The following RFTN2 variants were observed in gnomAD, a reference collection of about 807,000 sequenced individuals.
RFTN2 encodes the protein raftlin family member 2, also known as raftlin-2.
RFTN2 carries 34 observed loss-of-function variants against 52.7 expected under a neutral mutation model. That is an observed-to-expected ratio of 0.64 (90% confidence interval 0.49 to 0.86). The LOEUF (loss-of-function observed/expected upper bound fraction) is 0.86, where lower values mean the gene tolerates loss of function less well. Ranked by LOEUF, RFTN2 falls within the 40% of genes least tolerant of loss-of-function variation. The probability of loss-of-function intolerance (pLI) is 0.00; values close to 1 mark genes in which losing one functional copy is unlikely to be tolerated. For synonymous variants in RFTN2, 203 were observed against 217.7 expected, an observed-to-expected ratio of 0.93 and a Z score of 0.59; for missense variants, 536 against 600.1, an observed-to-expected ratio of 0.89 and a Z score of 1.12.
chr2:197,646,383 A>G, intron 2 of RFTN2, 100 bp downstream of exon 2: 1 of 887,380 alleles, frequency 1.1e-6, no homozygotes, highest in Non-Finnish European at 1.7e-6. Context: ...TAAAACCCCC[A>G]TGTGTCCTTT....
intron 8 of RFTN2, among the ~76,000 whole-genome samples, chr2:197,592,244 G>A (rs2087728474): frequency 6.6e-6 from 1 of 152,188 alleles, no homozygotes; most frequent in African/African-American, 2.4e-5. Context: ...TGCCCAGGCT[G>A]GAGTGCAATG....
intron 3 of RFTN2, among the ~76,000 whole-genome samples, chr2:197,643,490 CATT>C (rs1343928105): frequency 6.6e-6 from 1 of 152,148 alleles, no homozygotes; most frequent in Non-Finnish European, 1.5e-5. Context: ...TTACATTAAA[CATT>C]ATTAGGTTGA....
chr2:197,637,623 TTCTC>T (rs1438380031), intron 3 of RFTN2, among the ~76,000 whole-genome samples: 1 of 152,192 alleles, frequency 6.6e-6, no homozygotes, highest in Admixed American at 6.5e-5. Flanking sequence ...TATTTGATTC[TTCTC>T]TCTTTTTCTT....
chr2:197,588,760 C>T (rs2087641501), intron 8 of RFTN2, among the ~76,000 whole-genome samples: 1 of 152,162 alleles, frequency 6.6e-6, no homozygotes, highest in African/African-American at 2.4e-5. Context: ...AACTGTTTTC[C>T]AGGGTGGATG....
chr2:197,585,745 C>G (rs2087586002), intron 8 of RFTN2, among the ~76,000 whole-genome samples: 1 of 152,198 alleles, frequency 6.6e-6, no homozygotes, highest in African/African-American at 2.4e-5. Context: ...CTCCGAACTT[C>G]CTTTAACAGC....
In RFTN2 at chr2:197,633,700, A is replaced by T. The variant is rs771949964; in HGVS notation, c.718+18T>A. On this transcript the variant is annotated intron_variant, in intron 4 of 8. Transcript: ENST00000295049. ...TTAAACTATAGTATATTCTCTTTCT[A>T]CTAATCTTGTCTATTACCTTCTCCC... The T allele has an allele frequency of 2.0e-5, 32 of 1,604,924 alleles. No homozygotes were observed. The highest frequency in any genetic ancestry group is 2.7e-5 in the Non-Finnish European group (32 of 1,173,836).
intron 3 of RFTN2, among the ~76,000 whole-genome samples, chr2:197,640,869 TTTA>T (rs201465181): frequency 0.027 from 4,145 of 152,310 alleles, 77 homozygotes; most frequent in Middle Eastern, 0.051. Flanking sequence ...CCTCTCTGCT[TTTA>T]CTTCGTTTCT....
chr2:197,608,853 A>G lies in RFTN2; in HGVS notation c.1154+7023T>C, dbSNP rs535111938. The stretch of plus-strand genomic sequence containing the variant: ...TGTGTCCAAGTGTTCTCATTGTTCA[A>G]CTCCCACTTATTAGTGAGAACATGC... On this transcript the variant is annotated intron_variant, in intron 7 of 8. Transcript: ENST00000295049. 3.3e-5 allele frequency among the ~76,000 whole-genome samples: 5 copies of G among 150,546 alleles called. No homozygotes were observed. In the South Asian group the frequency reaches 8.4e-4, roughly 25 times the overall value.
chr2:197,585,295 A>C (rs2087577961), intron 8 of RFTN2, among the ~76,000 whole-genome samples: 1 of 152,084 alleles, frequency 6.6e-6, no homozygotes, highest in Admixed American at 6.6e-5. Flanking sequence ...TGTCATCCCT[A>C]CTGTCTTCTG....
At chr2:197,603,045 C>T (rs1206998320) in intron 7 of RFTN2, among the ~76,000 whole-genome samples, 4 of 152,024 alleles carry the variant, frequency 2.6e-5, no homozygotes, top group Non-Finnish European at 5.9e-5. Flanking sequence ...GACATAGGAA[C>T]GGGAACATCA....
intron 1 of RFTN2, among the ~76,000 whole-genome samples, chr2:197,674,359 A>AAG (rs1553606082): frequency 6.7e-6 from 1 of 149,908 alleles, no homozygotes; most frequent in Non-Finnish European, 1.5e-5. Flanking sequence ...AAAAAAAAAA[A>AAG]AAAAGAAAAG....
intron 8 of RFTN2, among the ~76,000 whole-genome samples, chr2:197,584,782 C>T (rs1336501297): frequency 2.0e-5 from 3 of 152,178 alleles, no homozygotes; most frequent in Non-Finnish European, 4.4e-5. Flanking sequence ...CTTTCTTGCT[C>T]AGCCCCAACC....
intron 8 of RFTN2, among the ~76,000 whole-genome samples, chr2:197,590,106 G>A (rs2087678303): frequency 6.7e-6 from 1 of 150,192 alleles, no homozygotes; most frequent in South Asian, 2.1e-4. Context: ...GGGTTTTGCT[G>A]AGCTGACCAG....
At chr2:197,595,895 T>G in intron 8 of RFTN2, 96 bp downstream of exon 8, 1 of 839,918 alleles carries the variant, frequency 1.2e-6, no homozygotes, top group Non-Finnish European at 1.9e-6. Flanking sequence ...TGTTTCCATA[T>G]CATGTCCACG....
At chr2:197,578,233 TC>T (rs1291477014) in intron 8 of RFTN2, among the ~76,000 whole-genome samples, 6 of 152,198 alleles carry the variant, frequency 3.9e-5, no homozygotes, top group Non-Finnish European at 8.8e-5. Flanking sequence ...AATGGGATGC[TC>T]TTCAGAATAA....
chr2:197,640,880 T>C lies in RFTN2; in HGVS notation c.438+3278A>G, dbSNP rs552147294. Among the ~76,000 whole-genome samples, 5 of 152,352 alleles carry C rather than the reference T, an allele frequency of 3.3e-5. No individual in the cohort carries two copies. In the South Asian group the frequency reaches 1.0e-3, roughly 32 times the overall value. On this transcript the variant is annotated intron_variant, in intron 3 of 8. Coordinates refer to ENST00000295049, the MANE Select transcript of RFTN2 (RefSeq NM_144629.3). Reference sequence around the variant, plus strand: ...TGTTCCTCTCTGCTTTTACTTCGTTTCTTTGTTCTATTTTCTTCATGTGTT... The same window carrying C: ...TGTTCCTCTCTGCTTTTACTTCGTTCCTTTGTTCTATTTTCTTCATGTGTT...
At chr2:197,605,367 C>T (rs1003455115) in intron 7 of RFTN2, among the ~76,000 whole-genome samples, 2 of 152,056 alleles carry the variant, frequency 1.3e-5, no homozygotes, top group Non-Finnish European at 2.9e-5. Context: ...AGGCGCCCGC[C>T]ACCACGCCCG....
intron 5 of RFTN2, among the ~76,000 whole-genome samples, chr2:197,623,448 G>C (rs1219826523): frequency 6.6e-6 from 1 of 152,164 alleles, no homozygotes; most frequent in Non-Finnish European, 1.5e-5. Flanking sequence ...GCTTCTTATG[G>C]ATGAGCAAAG....
At chr2:197,641,164 GAA>G (rs1239831785) in intron 3 of RFTN2, among the ~76,000 whole-genome samples, 6 of 152,220 alleles carry the variant, frequency 3.9e-5, no homozygotes, top group African/African-American at 1.4e-4. Context: ...AATGGAGTGA[GAA>G]AAGCCAGGAA....
Sources: allele counts gnomAD v4.1 joint callset (sites outside exome capture counted in the v4.1 genomes callset), GRCh38; gene constraint gnomAD v4.1.1; transcripts MANE v1.5; gene names NCBI Gene and HGNC (gene_info 2026-07-23, HGNC 2026-07-21).